CYTH4: variants seen among roughly 807,000 people sequenced by gnomAD.
CYTH4 encodes cytohesin 4.
Under a neutral mutation model 57.5 loss-of-function variants are expected in CYTH4, and 22 were observed. The ratio of observed to expected loss-of-function variants is 0.38; its 90% CI spans 0.27 to 0.55. CYTH4 has a LOEUF of 0.55. Among genes scored for constraint, CYTH4 ranks in the 20% least tolerant of loss-of-function variants. The pLI, the probability that CYTH4 is intolerant of heterozygous loss-of-function variation, is 0.74. For synonymous variants in CYTH4, 186 were observed against 206.5 expected (o/e 0.90, Z 0.85); for missense variants, 420 against 535.6 (o/e 0.78, Z 2.13).
intron 9 of CYTH4, among the ~76,000 whole-genome samples, chr22:37,309,712 C>A (rs927163175): frequency 6.6e-6 from 1 of 152,194 alleles, no homozygotes; most frequent in Non-Finnish European, 1.5e-5. Context: ...ACCCTACAGC[C>A]GAACAGTAAA....
At position 37,295,375 on chromosome 22, in the gene CYTH4, CA is replaced by C. The variant is rs1928917444; in HGVS notation, c.168-623del. On this transcript the variant is annotated intron_variant, in intron 3 of 12. Coordinates refer to ENST00000248901, the MANE Select transcript of CYTH4 (RefSeq NM_013385.5). This position sits in a 1 kb window ranked among gnomAD's most constrained non-coding sequence, Gnocchi z 4.1. ...GCCTCCTCCCCTCCCCCACCACACA[CA>C]TGCACACACACACACGCATGCACAC... 6.6e-6 allele frequency among the ~76,000 whole-genome samples: 1 copy of C among 151,102 alleles called. No homozygotes were observed. Among genetic ancestry groups the C allele is most frequent in the East Asian group, 1.9e-4 (1 of 5,190 alleles).
chr22:37,292,609 GTC>G lies in CYTH4; in HGVS notation c.20-6_20-5del. On this transcript the variant is annotated splice_polypyrimidine_tract_variant and intron_variant, in intron 1 of 12. Coordinates refer to ENST00000248901, the MANE Select transcript of CYTH4 (RefSeq NM_013385.5). ...AGCCAAGTGATGGGGAAGGCCGGTT[GTC>G]TCTCTGTAGAGCCCGCGGAGCTGAG... The G allele has an allele frequency of 6.2e-7, 1 of 1,613,324 alleles. No homozygotes were observed. Among genetic ancestry groups the G allele is most frequent in the Non-Finnish European group, 8.5e-7 (1 of 1,179,570 alleles).
chr22:37,312,395 G>A (rs191535491), intron 12 of CYTH4, among the ~76,000 whole-genome samples: 1 of 152,368 alleles, frequency 6.6e-6, no homozygotes, highest in Admixed American at 6.5e-5. Context: ...CCTGCATGGG[G>A]TTGGTGGGAG....
chr22:37,313,095 G>A (rs2145873873), intron 12 of CYTH4, among the ~76,000 whole-genome samples: 1 of 152,348 alleles, frequency 6.6e-6, no homozygotes, highest in Admixed American at 6.5e-5. Flanking sequence ...GGGTCCAACA[G>A]GCAGGTCTGC....
chr22:37,294,606 G>T (rs537366142), intron 2 of CYTH4, 54 bp from the exon 3 acceptor site: 3 of 1,604,598 alleles, frequency 1.9e-6, no homozygotes, highest in Non-Finnish European at 2.6e-6. Flanking sequence ...TCAAACCCCC[G>T]GGGTTCTGGC....
In CYTH4 at chr22:37,308,867, CAT is replaced by C. The variant is rs545585672; in HGVS notation, c.697-344_697-343del. On this transcript the variant is annotated intron_variant, in intron 8 of 12. Transcript: ENST00000248901. ...GCCTGCATGTGTGTGAACGTGCATA[CAT>C]GTGCGTGTGTGTGCACGTGTGTGTG... 6.8e-3 allele frequency among the ~76,000 whole-genome samples: 790 copies of C among 116,042 alleles called. 8 individuals are homozygous for C. The highest frequency in any genetic ancestry group is 0.022 in the African/African-American group (753 of 33,736). 76.1% of individuals were successfully genotyped at this position (116,042 alleles called of 152,430 possible). A position where few individuals can be genotyped will look rare whatever the true frequency, so the allele number is the denominator to read the frequency against.
In CYTH4 at chr22:37,314,436, A is replaced by G. The variant is rs2145875145; in HGVS notation, c.*925A>G. 1 of 398,712 alleles carries G rather than the reference A, an allele frequency of 2.5e-6. No homozygotes were observed. 24.7% of individuals were successfully genotyped at this position (398,712 alleles called of 1,614,324 possible). On this transcript the variant is annotated 3_prime_UTR_variant, in exon 13 of 13. Coordinates refer to ENST00000248901, the MANE Select transcript of CYTH4 (RefSeq NM_013385.5). ...TGGGTGCTATATCCAAGAAGCCAAGAAGGGAGAGTTTCGTGCACTGTGGTT... is the reference window on the plus strand; with the variant it reads ...TGGGTGCTATATCCAAGAAGCCAAGGAGGGAGAGTTTCGTGCACTGTGGTT...
chr22:37,305,947 A>G (rs1929378851), intron 8 of CYTH4, among the ~76,000 whole-genome samples: 1 of 151,170 alleles, frequency 6.6e-6, no homozygotes, highest in Admixed American at 6.6e-5. Flanking sequence ...GGGCAGGGGC[A>G]GAGTCCCCAA....
chr22:37,300,303 C>A (rs1454085443), intron 6 of CYTH4: 2 of 707,864 alleles, frequency 2.8e-6, no homozygotes, highest in Non-Finnish European at 5.2e-6. Flanking sequence ...CATATTCATT[C>A]TTTCATTCAT....
chr22:37,304,525 C>T (rs369040581), intron 8 of CYTH4, among the ~76,000 whole-genome samples: 7 of 152,300 alleles, frequency 4.6e-5, no homozygotes, highest in African/African-American at 1.7e-4. Flanking sequence ...GGTCAGAGCC[C>T]AGCAGGGAGG....
At position 37,282,602 on chromosome 22, in the gene CYTH4, G is replaced by A. The variant is rs764987657; in HGVS notation, c.19+14G>A. On this transcript the variant is annotated intron_variant, in intron 1 of 12. Transcript: ENST00000248901. ...TGTGCCACCCAGGTAAGCAACTGCCGTCAACCTCTCTGGGCCTCAGGGTGC... is the reference window on the plus strand; with the variant it reads ...TGTGCCACCCAGGTAAGCAACTGCCATCAACCTCTCTGGGCCTCAGGGTGC... 2.7e-5 allele frequency: 44 copies of A among 1,607,898 alleles called. No homozygotes were observed. The highest frequency in any genetic ancestry group is 1.0e-4 in the Admixed American group (6 of 59,148).
chr22:37,282,512 A>G lies in CYTH4; in HGVS notation c.-58A>G, dbSNP rs1426060555. 6.2e-7 allele frequency: 1 copy of G among 1,612,058 alleles called. No homozygotes were observed. On this transcript the variant is annotated 5_prime_UTR_variant, in exon 1 of 13. Transcript: ENST00000248901. The stretch of plus-strand genomic sequence containing the variant: ...GCATCCTTGCCGGGCCAGCCCGAAC[A>G]GCAGCTGGGTCGGCAAGCGACAGGA...
At position 37,294,606 on chromosome 22, in the gene CYTH4, G is replaced by A. The variant is rs537366142; in HGVS notation, c.103-54G>A. The A allele has an allele frequency of 2.4e-5, 39 of 1,604,598 alleles. No homozygotes were observed. The Middle Eastern group carries it at 5.0e-4, about 20-fold the overall frequency. On this transcript the variant is annotated intron_variant, in intron 2 of 12. Coordinates refer to ENST00000248901, the MANE Select transcript of CYTH4 (RefSeq NM_013385.5). ...GTGGTCCTTGTGGTCTCAAACCCCC[G>A]GGGTTCTGGCCTCCACCCCTGACTC...
intron 8 of CYTH4, among the ~76,000 whole-genome samples, chr22:37,308,702 G>A (rs1046556145): frequency 6.6e-6 from 1 of 151,018 alleles, no homozygotes; most frequent in South Asian, 2.1e-4. Context: ...ATGTATGTGT[G>A]AGCATGCATG....
chr22:37,299,198 C>T (rs1340771537), intron 5 of CYTH4, 28 bp from the exon 6 acceptor site: 5 of 1,557,808 alleles, frequency 3.2e-6, no homozygotes, highest in Non-Finnish European at 4.4e-6. Context: ...CAAGTGTGTC[C>T]CACCCTCCCT....
chr22:37,296,120 C>T, intron 4 of CYTH4, 55 bp downstream of exon 4: 7 of 1,553,980 alleles, frequency 4.5e-6, no homozygotes, highest in Non-Finnish European at 6.2e-6. Flanking sequence ...ATGGGAGCAC[C>T]TGCCTGGTGT....
At chr22:37,292,390 T>G in intron 1 of CYTH4, 1 of 515,410 alleles carries the variant, frequency 1.9e-6, no homozygotes, top group Non-Finnish European at 3.5e-6. Context: ...GGAAACAGGA[T>G]CCTTTTGGGG....
chr22:37,300,988 C>T lies in CYTH4; in HGVS notation c.516C>T (p.Cys172=). Residue 172 remains cysteine, a synonymous_variant, in exon 7 of 13, where the codon TGC becomes TGT. Coordinates refer to ENST00000248901, the MANE Select transcript of CYTH4 (RefSeq NM_013385.5). ...TGGAGGCCTTTGCCACTCGATACTG[C>T]CTCTGCAACCCAGGCGTCTTCCAGT... The part of the protein sequence containing the change: ...RMMEAFATRY[C]LCNPGVFQST... The T allele has an allele frequency of 6.2e-7, 1 of 1,614,198 alleles. No individual in the cohort carries two copies. The highest frequency in any genetic ancestry group is 8.5e-7 in the Non-Finnish European group (1 of 1,180,014).
In CYTH4 at chr22:37,311,724, G is replaced by T. The variant is rs139453078; in HGVS notation, c.957+197G>T. 1 of 668,566 alleles carries T rather than the reference G, an allele frequency of 1.5e-6. No individual in the cohort carries two copies. Among genetic ancestry groups the T allele is most frequent in the Middle Eastern group, 4.1e-4 (1 of 2,460 alleles). The allele number at this position is 668,566 out of a possible 1,614,324, so 41.4% of individuals were successfully genotyped here. ...AAAAGGTCAATGTGGGTCCAAGGAC[G>T]TGGTTGTCCCCTGTTGTCCCACACA... On this transcript the variant is annotated intron_variant, in intron 11 of 12. Transcript: ENST00000248901. This position sits in a 1 kb window ranked among gnomAD's most constrained non-coding sequence, Gnocchi z 4.4.
Sources: gnomAD v4.1 joint callset for allele counts (sites outside exome capture counted in the v4.1 genomes callset) on GRCh38, gnomAD v4.1.1 for gene constraint, Gnocchi (gnomAD v3.1) non-coding constraint, MANE v1.5 for transcripts, NCBI Gene and HGNC (gene_info 2026-07-23, HGNC 2026-07-21) for gene names.